The following MAGI2 variants were observed in gnomAD, a reference collection of about 807,000 sequenced individuals.
MAGI2 encodes the protein membrane-associated guanylate kinase, WW and PDZ domain-containing protein 2.
Under a neutral mutation model 133.3 loss-of-function variants are expected in MAGI2, and 35 were observed. That is an observed-to-expected ratio of 0.26 (90% CI 0.20 to 0.35). The LOEUF (loss-of-function observed/expected upper bound fraction) is 0.35. Among genes scored for constraint, MAGI2 ranks in the 10% least tolerant of loss-of-function variants. The probability of loss-of-function intolerance (pLI) is 1.00; values close to 1 mark genes in which losing one functional copy is unlikely to be tolerated. For missense variants in MAGI2, 1,636 were observed against 1,863.4 expected (o/e 0.88, Z 2.25); for synonymous variants, 729 against 710.6 (o/e 1.03, Z -0.41).
chr7:79,437,918 GA>G (rs1848253296), intron 1 of MAGI2, among the ~76,000 whole-genome samples: 1 of 152,038 alleles, frequency 6.6e-6, no homozygotes, highest in African/African-American at 2.4e-5. Context: ...CTCAATTTAA[GA>G]AGATTGGTTT....
At chr7:78,459,893 G>A (rs559969715) in intron 6 of MAGI2, among the ~76,000 whole-genome samples, 3 of 152,278 alleles carry the variant, frequency 2.0e-5, no homozygotes, top group Non-Finnish European at 4.4e-5. Context: ...GTTTAGAATA[G>A]CCAGAGCCAT....
At chr7:78,149,822 C>A (rs1823697014) in intron 16 of MAGI2, among the ~76,000 whole-genome samples, 1 of 152,096 alleles carries the variant, frequency 6.6e-6, no homozygotes, top group African/African-American at 2.4e-5. Context: ...CATCAGGTAC[C>A]CAACATCTGG....
At chr7:79,098,289 T>C (rs1817682391) in intron 1 of MAGI2, among the ~76,000 whole-genome samples, 1 of 152,214 alleles carries the variant, frequency 6.6e-6, no homozygotes, top group Non-Finnish European at 1.5e-5. Flanking sequence ...ATCTTAGTGG[T>C]AGCCCTATCA....
At chr7:78,645,896 G>A (rs1810837433) in intron 2 of MAGI2, among the ~76,000 whole-genome samples, 1 of 151,974 alleles carries the variant, frequency 6.6e-6, no homozygotes, top group African/African-American at 2.4e-5. Context: ...GCACCACCAT[G>A]CCTGGCTAAT....
intron 2 of MAGI2, among the ~76,000 whole-genome samples, chr7:78,743,192 C>T (rs1202604682): frequency 6.6e-6 from 1 of 151,976 alleles, no homozygotes; most frequent in African/African-American, 2.4e-5. Context: ...CCCTCCTCTA[C>T]TAGAACCCTA....
chr7:78,177,951 C>T, intron 14 of MAGI2, 60 bp downstream of exon 14: 1 of 1,161,628 alleles, frequency 8.6e-7, no homozygotes, highest in Non-Finnish European at 1.3e-6. Flanking sequence ...ACACTATTTT[C>T]CCTGGTGTTT....
intron 8 of MAGI2, among the ~76,000 whole-genome samples, chr7:78,345,219 T>C (rs1790770863): frequency 2.0e-5 from 3 of 152,320 alleles, no homozygotes; most frequent in Non-Finnish European, 4.4e-5. Context: ...CAAATTAATG[T>C]TTATAGTTGG....
At chr7:78,557,097 A>AAAAAAAAAAAAAAAAAAAAAAAAAAG (rs1554473311) in intron 3 of MAGI2, among the ~76,000 whole-genome samples, 5 of 138,958 alleles carry the variant, frequency 3.6e-5, no homozygotes, top group Admixed American at 1.5e-4. Context: ...AAAAAAAAAA[A>AAAAAAAAAAAAAAAAAAAAAAAAAAG]AAAGAAAAAG....
At chr7:79,169,408 C>T (rs1252297236) in intron 1 of MAGI2, among the ~76,000 whole-genome samples, 3 of 152,102 alleles carry the variant, frequency 2.0e-5, no homozygotes, top group Non-Finnish European at 4.4e-5. Context: ...TGTCATAGTT[C>T]TAAATATTTA....
chr7:78,073,091 A>T, intron 21 of MAGI2: 1 of 396,562 alleles, frequency 2.5e-6, no homozygotes, highest in East Asian at 3.6e-5. Context: ...TTAAAGGAAG[A>T]CTTTTAACTA....
chr7:78,180,352 G>A (rs149702418), intron 13 of MAGI2, among the ~76,000 whole-genome samples: 386 of 152,244 alleles, frequency 2.5e-3, no homozygotes, highest in African/African-American at 8.6e-3. Context: ...TATTTGCTAC[G>A]TAAAACTTTT....
At chr7:78,475,583 T>C (rs1791662449) in intron 6 of MAGI2, among the ~76,000 whole-genome samples, 1 of 151,802 alleles carries the variant, frequency 6.6e-6, no homozygotes, top group Non-Finnish European at 1.5e-5. Context: ...CAGCAGAAGA[T>C]GGAGTGAACT....
intron 14 of MAGI2, among the ~76,000 whole-genome samples, chr7:78,173,210 C>T (rs1826274331): frequency 6.6e-6 from 1 of 152,184 alleles, no homozygotes; most frequent in African/African-American, 2.4e-5. Context: ...TGTGTACAAA[C>T]CAGGCAGAAA....
At chr7:78,439,130 C>A (rs536790517) in intron 6 of MAGI2, among the ~76,000 whole-genome samples, 4 of 152,286 alleles carry the variant, frequency 2.6e-5, no homozygotes, top group African/African-American at 4.8e-5. Flanking sequence ...CAAATGGAAG[C>A]AGTTTGACCA....
chr7:79,374,040 G>T (rs1392319486), intron 1 of MAGI2, among the ~76,000 whole-genome samples: 2 of 151,734 alleles, frequency 1.3e-5, no homozygotes, highest in African/African-American at 4.8e-5. Flanking sequence ...CATATAACTA[G>T]GTGAAAAAAC....
intron 2 of MAGI2, among the ~76,000 whole-genome samples, chr7:78,946,175 T>A (rs758144431): frequency 2.0e-5 from 3 of 152,190 alleles, no homozygotes; most frequent in Non-Finnish European, 2.9e-5. Context: ...TTAGTTAGCA[T>A]ATTTAAAATA....
chr7:79,248,972 T>A (rs949701273), intron 1 of MAGI2, among the ~76,000 whole-genome samples: 1 of 152,088 alleles, frequency 6.6e-6, no homozygotes, highest in Non-Finnish European at 1.5e-5. Context: ...CAAGCAATTC[T>A]CCTGCCTCAG....
At chr7:78,732,449 A>G (rs1218525747) in intron 2 of MAGI2, among the ~76,000 whole-genome samples, 2 of 152,158 alleles carry the variant, frequency 1.3e-5, no homozygotes, top group Admixed American at 6.5e-5. Flanking sequence ...CATCTCATCT[A>G]GAACTTTTAA....
chr7:78,649,522 T>G (rs576554384), intron 2 of MAGI2, among the ~76,000 whole-genome samples: 1 of 152,116 alleles, frequency 6.6e-6, no homozygotes, highest in Non-Finnish European at 1.5e-5. Context: ...ATATTTTGAG[T>G]TGCAAATTTA....
Sources: gnomAD v4.1 joint callset for allele counts (sites outside exome capture counted in the v4.1 genomes callset) on GRCh38, gnomAD v4.1.1 for gene constraint, MANE v1.5 for transcripts, NCBI Gene and HGNC (gene_info 2026-07-23, HGNC 2026-07-21) for gene names.